The following RBFOX1 variants were observed in gnomAD, a reference collection of about 807,000 sequenced individuals.
RBFOX1 encodes RNA binding protein fox-1 homolog 1.
A neutral mutation model predicts 57.7 loss-of-function variants in RBFOX1; 8 were observed. The ratio of observed to expected loss-of-function variants is 0.14; its 90% CI spans 0.08 to 0.25. The LOEUF (loss-of-function observed/expected upper bound fraction) is 0.25, where lower values mean the gene tolerates loss of function less well. Ranked by LOEUF, RBFOX1 falls within the 10% of genes least tolerant of loss-of-function variation. RBFOX1 has a pLI of 1.00. For missense variants in RBFOX1, 611 were observed against 548.5 expected, an observed-to-expected ratio of 1.11 and a Z score of -1.14; for synonymous variants, 326 against 222.4, an observed-to-expected ratio of 1.47 and a Z score of -4.15.
At chr16:6,668,498 G>C (rs1307805646) in intron 3 of RBFOX1, among the ~76,000 whole-genome samples, 1 of 152,212 alleles carries the variant, frequency 6.6e-6, no homozygotes, top group African/African-American at 2.4e-5. Flanking sequence ...CAAGGCACTG[G>C]TATTTTCATG....
intron 1 of RBFOX1, among the ~76,000 whole-genome samples, chr16:6,099,470 C>T (rs1027542154): frequency 2.6e-5 from 4 of 152,036 alleles, no homozygotes; most frequent in African/African-American, 4.8e-5. Context: ...ATAAAATATC[C>T]AGAGGAATTA....
At chr16:6,709,209 A>G (rs1276390664) in intron 3 of RBFOX1, among the ~76,000 whole-genome samples, 2 of 152,206 alleles carry the variant, frequency 1.3e-5, no homozygotes, top group African/African-American at 4.8e-5. Flanking sequence ...AAAAGGTTGC[A>G]CAAGTATAAA....
chr16:6,843,189 A>T (rs1014838316), intron 3 of RBFOX1, among the ~76,000 whole-genome samples: 1 of 152,092 alleles, frequency 6.6e-6, no homozygotes, highest in Non-Finnish European at 1.5e-5. Flanking sequence ...ATTAGAGTGG[A>T]TGTCTCTTGG....
intron 2 of RBFOX1, among the ~76,000 whole-genome samples, chr16:6,494,265 C>G (rs537189883): frequency 6.6e-6 from 1 of 152,216 alleles, no homozygotes; most frequent in South Asian, 2.1e-4. Context: ...ATATATTGTT[C>G]TGTACAACTT....
At chr16:6,924,564 A>G (rs2075168032) in intron 3 of RBFOX1, among the ~76,000 whole-genome samples, 1 of 152,152 alleles carries the variant, frequency 6.6e-6, no homozygotes, top group Admixed American at 6.5e-5. Flanking sequence ...TAGAGAGGAC[A>G]CATATCCAAA....
At chr16:6,420,433 T>G (rs2093740587) in intron 2 of RBFOX1, among the ~76,000 whole-genome samples, 3 of 152,178 alleles carry the variant, frequency 2.0e-5, no homozygotes, top group Admixed American at 2.0e-4. Flanking sequence ...TAAGAAAATG[T>G]AAATTAAAGA....
intron 3 of RBFOX1, among the ~76,000 whole-genome samples, chr16:6,668,461 T>C (rs2098745897): frequency 6.6e-6 from 1 of 152,234 alleles, no homozygotes; most frequent in Non-Finnish European, 1.5e-5. Flanking sequence ...ATGCCTGTTT[T>C]CCTTATGTTT....
At chr16:7,044,108 T>C (rs1009848779) in intron 3 of RBFOX1, among the ~76,000 whole-genome samples, 2 of 152,140 alleles carry the variant, frequency 1.3e-5, no homozygotes, top group African/African-American at 4.8e-5. Context: ...TCTTTGCTGT[T>C]GTATTCCTGG....
intron 1 of RBFOX1, among the ~76,000 whole-genome samples, chr16:5,250,416 C>T (rs369641189): frequency 6.6e-6 from 1 of 152,144 alleles, no homozygotes; most frequent in East Asian, 1.9e-4. Context: ...AACACTCTCC[C>T]TCCCCTTGTC....
intron 2 of RBFOX1, among the ~76,000 whole-genome samples, chr16:6,598,958 AAAC>A (rs1304918173): frequency 2.6e-5 from 4 of 152,086 alleles, no homozygotes; most frequent in Non-Finnish European, 5.9e-5. Context: ...AAACAAAACA[AAAC>A]AAAACAAACT....
intron 1 of RBFOX1, among the ~76,000 whole-genome samples, chr16:5,293,771 G>A (rs1016265477): frequency 4.0e-5 from 6 of 148,902 alleles, no homozygotes; most frequent in African/African-American, 1.0e-4. Flanking sequence ...GGGATGGAGA[G>A]TGCTTGATGG....
At chr16:6,330,341 C>G (rs978904769) in intron 2 of RBFOX1, among the ~76,000 whole-genome samples, 1 of 152,184 alleles carries the variant, frequency 6.6e-6, no homozygotes, top group East Asian at 1.9e-4. Context: ...TTGAAGGTTT[C>G]ACACCTGCAC....
At chr16:7,324,404 A>G (rs1247835740) in intron 4 of RBFOX1, among the ~76,000 whole-genome samples, 1 of 152,104 alleles carries the variant, frequency 6.6e-6, no homozygotes, top group African/African-American at 2.4e-5. Flanking sequence ...AGATGTAGAG[A>G]GTGCACAAAG....
chr16:5,674,996 A>G (rs1475241661), intron 3 of RBFOX1, among the ~76,000 whole-genome samples: 1 of 152,056 alleles, frequency 6.6e-6, no homozygotes, highest in African/African-American at 2.4e-5. Context: ...AAAATTTTAA[A>G]AAATTAGCCA....
rs1217996257 is a variant in RBFOX1 at position 7,713,131 on chromosome 16, CTAAA to C, written c.*2390_*2393del. The C allele has an allele frequency of 5.9e-5, 9 of 152,010 alleles. No individual in the cohort carries two copies. Among genetic ancestry groups the C allele is most frequent in the Admixed American group, 1.3e-4 (2 of 15,266 alleles). 9.4% of individuals were successfully genotyped at this position (152,010 alleles called of 1,614,324 possible). A position where few individuals can be genotyped will look rare whatever the true frequency, so the allele number is the denominator to read the frequency against. ...ATTTATTTGGAATGTTTTCATTTAT[CTAAA>C]TAACTATTGCTATTATGAATTATGG... On this transcript the variant is annotated 3_prime_UTR_variant, in exon 16 of 16. Coordinates refer to ENST00000550418, the MANE Select transcript of RBFOX1 (RefSeq NM_018723.4).
chr16:7,447,815 T>G (rs375968495), intron 4 of RBFOX1, among the ~76,000 whole-genome samples: 2 of 152,200 alleles, frequency 1.3e-5, no homozygotes, highest in South Asian at 4.1e-4. Context: ...AAAGCAGGAG[T>G]GGAATGTAGT....
chr16:7,207,158 A>C (rs981916854), intron 4 of RBFOX1, among the ~76,000 whole-genome samples: 1 of 152,178 alleles, frequency 6.6e-6, no homozygotes, highest in Non-Finnish European at 1.5e-5. Flanking sequence ...CAAGAGGTGT[A>C]CGCTGTATTT....
At chr16:5,968,065 A>T (rs567459915) in intron 4 of RBFOX1, among the ~76,000 whole-genome samples, 3 of 152,258 alleles carry the variant, frequency 2.0e-5, no homozygotes, top group Admixed American at 1.3e-4. Flanking sequence ...TCTAAAGCTC[A>T]TTCTCCAGTA....
chr16:5,766,665 A>G (rs2053790955), intron 3 of RBFOX1, among the ~76,000 whole-genome samples: 1 of 152,096 alleles, frequency 6.6e-6, no homozygotes. Context: ...CCAAGACATG[A>G]GGGATCCCCC....
Sources: gnomAD v4.1 joint callset for allele counts (sites outside exome capture counted in the v4.1 genomes callset) on GRCh38, gnomAD v4.1.1 for gene constraint, MANE v1.5 for transcripts, NCBI Gene and HGNC (gene_info 2026-07-23, HGNC 2026-07-21) for gene names.